Variants in NFATC1 observed in about 807,000 individuals in gnomAD.
The protein encoded by NFATC1 is nuclear factor of activated T cells 1, also known as nuclear factor of activated T-cells, cytoplasmic 1.
In NFATC1, 22 loss-of-function variants were observed where a neutral mutation model predicts 76.0. The ratio of observed to expected loss-of-function variants is 0.29; its 90% confidence interval spans 0.21 to 0.41. The LOEUF (loss-of-function observed/expected upper bound fraction) is 0.41, where lower values mean the gene tolerates loss of function less well. Among genes scored for constraint, NFATC1 ranks in the 10% least tolerant of loss-of-function variants. The pLI, the probability that NFATC1 is intolerant of heterozygous loss-of-function variation, is 1.00. For missense variants in NFATC1, 1,357 were observed against 1,337.7 expected, an observed-to-expected ratio of 1.01 and a Z score of -0.23; for synonymous variants, 704 against 613.1, an observed-to-expected ratio of 1.15 and a Z score of -2.19.
chr18:79,484,172 C>G (rs1020172099), intron 8 of NFATC1, among the ~76,000 whole-genome samples: 3 of 152,086 alleles, frequency 2.0e-5, no homozygotes, highest in Non-Finnish European at 2.9e-5. Flanking sequence ...ACTGCAGAGG[C>G]AGCCCCTGGC....
chr18:79,461,072 G>A (rs558015448), intron 6 of NFATC1, among the ~76,000 whole-genome samples: 7 of 152,248 alleles, frequency 4.6e-5, no homozygotes, highest in Non-Finnish European at 8.8e-5. Flanking sequence ...GCCCTGAGCC[G>A]CGTGTCCTCA....
chr18:79,475,161 ACT>A (rs2144987921), intron 8 of NFATC1, among the ~76,000 whole-genome samples: 1 of 139,278 alleles, frequency 7.2e-6, no homozygotes, highest in Admixed American at 7.0e-5. Flanking sequence ...TCTCACACTC[ACT>A]GTCGACGTTG....
chr18:79,475,825 G>A lies in NFATC1; in HGVS notation c.2092+8243G>A, dbSNP rs1431133013. On this transcript the variant is annotated intron_variant, in intron 8 of 9. Transcript: ENST00000427363. ...ACGCCAGGCATCCTAGCCACCCGACGCTCAGGCCGTGCGTGTCCTCAGAGC... is the reference window on the plus strand; with the variant it reads ...ACGCCAGGCATCCTAGCCACCCGACACTCAGGCCGTGCGTGTCCTCAGAGC... Among the ~76,000 whole-genome samples the A allele has an allele frequency of 5.3e-5, 8 of 152,366 alleles. No homozygotes were observed. The East Asian group carries it at 5.8e-4, about 11-fold the overall frequency.
At chr18:79,445,983 G>A (rs1046275616) in intron 3 of NFATC1, among the ~76,000 whole-genome samples, 12 of 152,224 alleles carry the variant, frequency 7.9e-5, no homozygotes, top group African/African-American at 2.7e-4. Flanking sequence ...TAACGTGTAG[G>A]AGACTCAGTA....
At chr18:79,513,690 C>T (rs182706002) in intron 9 of NFATC1, among the ~76,000 whole-genome samples, 59 of 152,340 alleles carry the variant, frequency 3.9e-4, no homozygotes, top group African/African-American at 1.4e-3. Context: ...CGGTCTCCTC[C>T]CTCTGACCCA....
intron 9 of NFATC1, among the ~76,000 whole-genome samples, chr18:79,526,124 T>C (rs903696006): frequency 3.3e-5 from 5 of 151,980 alleles, no homozygotes; most frequent in East Asian, 1.9e-4. Context: ...GCCGCCCGAG[T>C]GTCACGGAAA....
chr18:79,402,663 C>T (rs2085307182), intron 1 of NFATC1, among the ~76,000 whole-genome samples: 1 of 152,192 alleles, frequency 6.6e-6, no homozygotes, highest in Non-Finnish European at 1.5e-5. Flanking sequence ...CCCCTTCCTG[C>T]TTTTACGGTG....
At position 79,486,402 on chromosome 18, in the gene NFATC1, G is replaced by C. The variant is rs201240540; in HGVS notation, c.2247G>C (p.Pro749=). 1 of 1,612,524 alleles carries C rather than the reference G, an allele frequency of 6.2e-7. No homozygotes were observed. Among genetic ancestry groups the C allele is most frequent in the African/African-American group, 1.3e-5 (1 of 74,882 alleles). The change falls in exon 9 of 10, where the codon CCG becomes CCC. Residue 749 remains proline, a synonymous_variant. Coordinates refer to ENST00000427363, the MANE Select transcript of NFATC1 (RefSeq NM_001278669.2). ...GCTCCTGCCTCGTGGCCGGCTTCCC[G>C]CCCTGTCCGCAGAGAAGCACCCTGA... ...DPSSCLVAGF[P]PCPQRSTLMP... is the part of the protein sequence containing the mutation.
At chr18:79,447,306 C>T (rs2087250471) in intron 3 of NFATC1, among the ~76,000 whole-genome samples, 1 of 152,254 alleles carries the variant, frequency 6.6e-6, no homozygotes, top group African/African-American at 2.4e-5. Context: ...TCTCCCTCGC[C>T]TCGCTGGCCC....
intron 8 of NFATC1, among the ~76,000 whole-genome samples, chr18:79,485,516 G>A (rs1235736868): frequency 6.6e-6 from 1 of 152,256 alleles, no homozygotes; most frequent in African/African-American, 2.4e-5. Context: ...GGCGTGGGCT[G>A]GGAGCCGGTG....
In NFATC1 at chr18:79,411,186, C is replaced by T; in HGVS notation, c.911C>T (p.Thr304Ile). 1.2e-6 allele frequency: 2 copies of T among 1,611,530 alleles called. No homozygotes were observed. Among genetic ancestry groups the T allele is most frequent in the Non-Finnish European group, 1.7e-6 (2 of 1,179,876 alleles). The change falls in exon 2 of 10, where the codon ACC becomes ATC. Residue 304 changes from threonine (T) to isoleucine (I), a missense_variant. Around this residue, in one of 3 missense-constraint regions of NFATC1, gnomAD observed 691 missense variants for 613.1 expected, o/e 1.13. Transcript: ENST00000427363. ...ACCGACGACTCGTGGTTGGGCAACA[C>T]CACCCAGTACACCAGCTCGGCCATC... The part of the protein sequence containing the change: ...SVTDDSWLGN[T>I]TQYTSSAIVA...
chr18:79,527,474 CT>C, intron 9 of NFATC1, 53 bp from the exon 10 acceptor site: 11 of 1,479,750 alleles, frequency 7.4e-6, no homozygotes, highest in Non-Finnish European at 9.4e-6. Flanking sequence ...GGGGGCGTTG[CT>C]TTGATGTTTA....
chr18:79,463,784 CG>C (rs1236922930), intron 7 of NFATC1, among the ~76,000 whole-genome samples: 1 of 152,234 alleles, frequency 6.6e-6, no homozygotes, highest in Non-Finnish European at 1.5e-5. Context: ...CTGGCTCCGT[CG>C]GGGTCTCCAC....
chr18:79,526,613 G>A (rs1291762204), intron 9 of NFATC1, among the ~76,000 whole-genome samples: 1 of 152,242 alleles, frequency 6.6e-6, no homozygotes, highest in African/African-American at 2.4e-5. Flanking sequence ...TCCTCCTGGA[G>A]CTCAGTGCCA....
chr18:79,495,687 T>G (rs1460690077), intron 9 of NFATC1, among the ~76,000 whole-genome samples: 1 of 152,282 alleles, frequency 6.6e-6, no homozygotes, highest in Non-Finnish European at 1.5e-5. Context: ...CAGCCGCGAC[T>G]GCGCGTCTGG....
intron 7 of NFATC1, among the ~76,000 whole-genome samples, chr18:79,462,405 C>T (rs563363945): frequency 1.6e-4 from 25 of 152,198 alleles, no homozygotes; most frequent in African/African-American, 5.1e-4. Context: ...GGCGTGATCT[C>T]GGCTCACTGC....
In NFATC1 at chr18:79,527,627, A is replaced by T. The variant is rs758739785; in HGVS notation, c.*50A>T. The T allele has an allele frequency of 6.5e-7, 1 of 1,548,030 alleles. No individual in the cohort carries two copies. Among genetic ancestry groups the T allele is most frequent in the South Asian group, 1.1e-5 (1 of 89,344 alleles). ...AGCAGGGGTATGCTGACTTCAGCAG[A>T]CAAAGACTTTTGAATAAATAAACTG... On this transcript the variant is annotated 3_prime_UTR_variant, in exon 10 of 10. Transcript: ENST00000427363.
At chr18:79,418,542 G>T (rs1248542367) in intron 2 of NFATC1, among the ~76,000 whole-genome samples, 1 of 152,204 alleles carries the variant, frequency 6.6e-6, no homozygotes, top group African/African-American at 2.4e-5. Flanking sequence ...AGCCTTCTGG[G>T]GTCAGAGCCC....
At chr18:79,527,049 G>T (rs1267813883) in intron 9 of NFATC1, 1 of 157,648 alleles carries the variant, frequency 6.3e-6, no homozygotes, top group African/African-American at 2.4e-5. Context: ...CTCTGCGTCT[G>T]CCAGAAGTCA....
Sources: gnomAD v4.1 joint callset for allele counts (sites outside exome capture counted in the v4.1 genomes callset) on GRCh38, gnomAD v4.1.1 for gene constraint, gnomAD v4.1.1 regional missense constraint, MANE v1.5 for transcripts, NCBI Gene and HGNC (gene_info 2026-07-23, HGNC 2026-07-21) for gene names.